The following ASS1 variants were observed in gnomAD, a reference collection of about 807,000 sequenced individuals.
ASS1 encodes the protein argininosuccinate synthase.
ASS1 carries 58 observed loss-of-function variants against 60.5 expected under a neutral mutation model. The ratio of observed to expected loss-of-function variants is 0.96; its 90% CI spans 0.78 to 1.19. ASS1 has a LOEUF of 1.19. Ranked by LOEUF, ASS1 falls within the 50% of genes most tolerant of loss-of-function variation. The pLI is 0.00. For synonymous variants in ASS1, 200 were observed against 206.9 expected (o/e 0.97, Z 0.29); for missense variants, 454 against 547.3 (o/e 0.83, Z 1.70).
intron 12 of ASS1, among the ~76,000 whole-genome samples, chr9:130,490,140 G>A (rs1012125719): frequency 6.6e-6 from 1 of 152,250 alleles, no homozygotes; most frequent in Non-Finnish European, 1.5e-5. Context: ...TTTTGCAGGT[G>A]AGGAGCCCGG....
intron 2 of ASS1, among the ~76,000 whole-genome samples, chr9:130,453,458 G>C (rs1298537772): frequency 6.6e-6 from 1 of 152,244 alleles, no homozygotes; most frequent in Admixed American, 6.5e-5. Flanking sequence ...TGAGGCCCAG[G>C]GGAAGAAATA....
chr9:130,483,320 G>A (rs977636439), intron 11 of ASS1, among the ~76,000 whole-genome samples: 2 of 135,924 alleles, frequency 1.5e-5, no homozygotes, highest in African/African-American at 5.4e-5. Flanking sequence ...GCTCGTAATT[G>A]AAATTCGTTA....
chr9:130,464,310 G>C (rs1367273418), intron 5 of ASS1, 143 bp downstream of exon 5: 3 of 989,658 alleles, frequency 3.0e-6, no homozygotes, highest in Non-Finnish European at 4.7e-6. Flanking sequence ...TGGACAGCCT[G>C]CTGGGGAGGC....
chr9:130,465,054 ATATT>A lies in ASS1; in HGVS notation c.420+889_420+892del, dbSNP rs1300428523. On this transcript the variant is annotated intron_variant, in intron 5 of 14. Coordinates refer to ENST00000352480, the MANE Select transcript of ASS1 (RefSeq NM_054012.4). ...ATGTTTTATATATATATATATATATATATTTTTTTTTTTTCTTTTTCTGGAGACT... is the reference window on the plus strand; with the variant it reads ...ATGTTTTATATATATATATATATATATTTTTTTTTTCTTTTTCTGGAGACT... Among the ~76,000 whole-genome samples, 404 of 71,934 alleles carry A rather than the reference ATATT, an allele frequency of 5.6e-3. 4 individuals carry two copies. The highest frequency in any genetic ancestry group is 0.027 in the African/African-American group (364 of 13,250). 47.2% of individuals were successfully genotyped at this position (71,934 alleles called of 152,430 possible).
chr9:130,482,140 GGGCCCAGAGT>G (rs997451683), intron 11 of ASS1, among the ~76,000 whole-genome samples: 1 of 152,086 alleles, frequency 6.6e-6, no homozygotes, highest in African/African-American at 2.4e-5. Flanking sequence ...ACTGCCATCT[GGGCCCAGAGT>G]GGCATGGAGT....
At position 130,496,358 on chromosome 9, in the gene ASS1, G is replaced by T. The variant is rs112639026; in HGVS notation, c.1127+1335G>T. Among the ~76,000 whole-genome samples, 398 of 151,986 alleles carry T rather than the reference G, an allele frequency of 2.6e-3. 1 individual carries two copies. The highest frequency in any genetic ancestry group is 9.0e-3 in the African/African-American group (373 of 41,442). On this transcript the variant is annotated intron_variant, in intron 13 of 14. Coordinates refer to ENST00000352480, the MANE Select transcript of ASS1 (RefSeq NM_054012.4). ...GTCTCTTGAGTCTGTGAGATCAAGG[G>T]CGCATTGAGCCATGATCATGCCACT...
Position 130,460,022 on chromosome 9 carries a change from G to A in ASS1, c.363+1433G>A, listed in dbSNP as rs76320085. Among the ~76,000 whole-genome samples the A allele has an allele frequency of 5.0e-3, 768 of 152,308 alleles. 17 individuals carry two copies. In the East Asian group the frequency reaches 0.055, roughly 11 times the overall value. ...CCCAAGTCATGAGCTCTCAGTCAGCGGACAGCATGCCAAGAGCCTGGTACA... is the reference window on the plus strand; with the variant it reads ...CCCAAGTCATGAGCTCTCAGTCAGCAGACAGCATGCCAAGAGCCTGGTACA... On this transcript the variant is annotated intron_variant, in intron 4 of 14. Transcript: ENST00000352480.
chr9:130,475,664 G>A (rs1165777692), intron 8 of ASS1, among the ~76,000 whole-genome samples: 8 of 151,652 alleles, frequency 5.3e-5, no homozygotes, highest in Non-Finnish European at 1.2e-4. Flanking sequence ...GGGTAAGAGC[G>A]CTTGACCTTC....
rs188423092 is a variant in ASS1, at chr9:130,500,497, T to C, written c.1194-479T>C. On this transcript the variant is annotated intron_variant, in intron 14 of 14. Coordinates refer to ENST00000352480, the MANE Select transcript of ASS1 (RefSeq NM_054012.4). ...GTCTCCTCTTGCTAACAACATGCCC[T>C]GGGCACAGAGCCATCATTTTCTCCC... is the stretch of plus-strand genomic sequence containing the variant. Among the ~76,000 whole-genome samples, 237 of 152,152 alleles carry C rather than the reference T, an allele frequency of 1.6e-3. 1 individual carries two copies. The highest frequency in any genetic ancestry group is 3.4e-3 in the Middle Eastern group (1 of 294).
chr9:130,500,858 C>T, intron 14 of ASS1, 118 bp from the exon 15 acceptor site: 1 of 1,089,796 alleles, frequency 9.2e-7, no homozygotes, highest in South Asian at 1.3e-5. Context: ...AAGGCAACTT[C>T]ACACACATCT....
At chr9:130,474,066 C>G (rs1274490330) in intron 8 of ASS1, among the ~76,000 whole-genome samples, 1 of 112,696 alleles carries the variant, frequency 8.9e-6, no homozygotes, top group African/African-American at 3.5e-5. Flanking sequence ...CCCCGCACCC[C>G]CCCCCCCCCA....
chr9:130,463,192 G>T (rs1301443023), intron 4 of ASS1, among the ~76,000 whole-genome samples: 3 of 152,246 alleles, frequency 2.0e-5, no homozygotes, highest in Non-Finnish European at 4.4e-5. Flanking sequence ...GTAGGCAAAA[G>T]GTCCCTCTGT....
intron 8 of ASS1, among the ~76,000 whole-genome samples, chr9:130,473,763 G>A (rs1328932638): frequency 1.3e-5 from 2 of 152,170 alleles, no homozygotes; most frequent in Non-Finnish European, 2.9e-5. Flanking sequence ...TTCTGCCTCC[G>A]TGAGGGCTGA....
intron 3 of ASS1, among the ~76,000 whole-genome samples, chr9:130,455,635 TACAGGGCATTTATGATGA>T (rs897323604): frequency 1.3e-5 from 2 of 152,246 alleles, no homozygotes; most frequent in Non-Finnish European, 2.9e-5. Flanking sequence ...CCCTGTCCCA[TACAGGGCATTTATGATGA>T]ACAGTGTCAT....
At chr9:130,458,252 G>T in intron 3 of ASS1, 149 bp from the exon 4 acceptor site, 1 of 815,362 alleles carries the variant, frequency 1.2e-6, no homozygotes, top group Non-Finnish European at 2.1e-6. Context: ...ATTGATGAAT[G>T]ATGTCTACTA....
chr9:130,481,756 C>T (rs909987329), intron 11 of ASS1, among the ~76,000 whole-genome samples: 1 of 152,162 alleles, frequency 6.6e-6, no homozygotes, highest in Non-Finnish European at 1.5e-5. Flanking sequence ...GGGCTTGCCT[C>T]GAAAGACATG....
At chr9:130,447,185 G>C (rs1845214496) in intron 1 of ASS1, among the ~76,000 whole-genome samples, 2 of 152,312 alleles carry the variant, frequency 1.3e-5, no homozygotes, top group East Asian at 3.9e-4. Flanking sequence ...GTAGAGTGAA[G>C]GGGAGATCTG....
chr9:130,477,038 C>T lies in ASS1; in HGVS notation c.688+77C>T. ...CTCCTTTCCCCTCCCTGCCTGGGAA[C>T]CTAGGCCCTCTTTACCCCCGCCCTG... On this transcript the variant is annotated intron_variant, in intron 9 of 14. Coordinates refer to ENST00000352480, the MANE Select transcript of ASS1 (RefSeq NM_054012.4). The surrounding 1 kb of genome is among the most constrained non-coding windows in gnomAD (Gnocchi z 4.2). 1 of 1,467,138 alleles carries T rather than the reference C, an allele frequency of 6.8e-7. No homozygotes were observed. The highest frequency in any genetic ancestry group is 9.5e-7 in the Non-Finnish European group (1 of 1,049,566). The allele number at this position is 1,467,138 out of a possible 1,614,324, so 90.9% of individuals were successfully genotyped here.
chr9:130,452,775 G>C (rs1845355629), intron 2 of ASS1, among the ~76,000 whole-genome samples: 1 of 152,168 alleles, frequency 6.6e-6, no homozygotes, highest in African/African-American at 2.4e-5. Context: ...CCTGGTTCTG[G>C]GATGGGAAAT....
Sources: allele counts gnomAD v4.1 joint callset (sites outside exome capture counted in the v4.1 genomes callset), GRCh38; gene constraint gnomAD v4.1.1; non-coding constraint Gnocchi (gnomAD v3.1); transcripts MANE v1.5; gene names NCBI Gene and HGNC (gene_info 2026-07-23, HGNC 2026-07-21).